The following KANSL1 variants were observed in gnomAD, a reference collection of about 807,000 sequenced individuals.
The protein encoded by KANSL1 is MLL1/MLL complex subunit KANSL1.
Under a neutral mutation model 103.6 loss-of-function variants are expected in KANSL1, and 22 were observed. The observed-to-expected ratio is 0.21, with a 90% CI of 0.15 to 0.30. KANSL1 has a LOEUF of 0.30. KANSL1 is among the 10% of genes least tolerant of loss of function. The probability of loss-of-function intolerance (pLI) is 1.00; values close to 1 mark genes in which losing one functional copy is unlikely to be tolerated. For synonymous variants in KANSL1, 600 were observed against 527.6 expected, an observed-to-expected ratio of 1.14 and a Z score of -1.88; for missense variants, 1,337 against 1,399.8, an observed-to-expected ratio of 0.96 and a Z score of 0.72.
chr17:46,112,191 AC>A (rs1440804020), intron 2 of KANSL1, among the ~76,000 whole-genome samples: 1 of 151,782 alleles, frequency 6.6e-6, no homozygotes, highest in Non-Finnish European at 1.5e-5. Flanking sequence ...ACATGGTGAA[AC>A]CCCATCTCTA....
At chr17:46,111,393 A>G (rs937667678) in intron 2 of KANSL1, among the ~76,000 whole-genome samples, 1 of 152,182 alleles carries the variant, frequency 6.6e-6, no homozygotes, top group Non-Finnish European at 1.5e-5. Context: ...TATTTTTAGT[A>G]GAGATAGGGT....
intron 1 of KANSL1, among the ~76,000 whole-genome samples, chr17:46,200,470 C>G (rs868764723): frequency 6.6e-6 from 1 of 152,172 alleles, no homozygotes; most frequent in African/African-American, 2.4e-5. Context: ...AGGCTGGGTG[C>G]GGTAGCTCAT....
At chr17:46,217,490 G>C (rs1278140164) in intron 1 of KANSL1, among the ~76,000 whole-genome samples, 4 of 151,730 alleles carry the variant, frequency 2.6e-5, no homozygotes, top group South Asian at 2.1e-4. Flanking sequence ...AAAAGAGATA[G>C]GATCTTCAAA....
chr17:46,106,403 T>C (rs1418674784), intron 2 of KANSL1, among the ~76,000 whole-genome samples: 1 of 152,230 alleles, frequency 6.6e-6, no homozygotes, highest in African/African-American at 2.4e-5. Context: ...TTGTTTTGTT[T>C]TGTTTTTGAG....
In KANSL1 at chr17:46,181,420, C is replaced by G. The variant is rs537282733; in HGVS notation, c.-89-9188G>C. ...TATCATCTCACTTTCCTACTCTGAA[C>G]AAGTTCCTCACACTTTTTTTTTTTT... On this transcript the variant is annotated intron_variant, in intron 1 of 14. Transcript: ENST00000432791. 4.0e-5 allele frequency among the ~76,000 whole-genome samples: 6 copies of G among 151,872 alleles called. No individual in the cohort carries two copies. The East Asian group carries it at 1.2e-3, about 29-fold the overall frequency.
chr17:46,040,615 T>C (rs753009388), intron 7 of KANSL1: 3 of 152,270 alleles, frequency 2.0e-5, no homozygotes, highest in Non-Finnish European at 4.4e-5. Flanking sequence ...TATCCAGTGC[T>C]ATATTTAAGA....
chr17:46,050,778 T>G, intron 6 of KANSL1, 74 bp from the exon 7 acceptor site: 2 of 1,398,784 alleles, frequency 1.4e-6, no homozygotes, highest in African/African-American at 2.8e-5. Flanking sequence ...TTATCCCCAT[T>G]TGTTATTGAG....
intron 1 of KANSL1, among the ~76,000 whole-genome samples, chr17:46,216,809 T>C (rs985007470): frequency 2.6e-5 from 4 of 151,932 alleles, no homozygotes; most frequent in East Asian, 3.9e-4. Flanking sequence ...AAAAGAGATA[T>C]GTAGTACTCC....
intron 2 of KANSL1, among the ~76,000 whole-genome samples, chr17:46,148,861 C>G (rs1350621509): frequency 5.4e-5 from 8 of 147,124 alleles, no homozygotes; most frequent in African/African-American, 2.0e-4. Flanking sequence ...GCTGGGATTA[C>G]AAGCATGAAC....
chr17:46,096,897 G>GT (rs1195979434), intron 2 of KANSL1, among the ~76,000 whole-genome samples: 1 of 152,122 alleles, frequency 6.6e-6, no homozygotes, highest in Non-Finnish European at 1.5e-5. Context: ...GATTACAGGC[G>GT]TGAGCCACTG....
At chr17:46,143,438 G>A (rs1383790023) in intron 2 of KANSL1, among the ~76,000 whole-genome samples, 3 of 152,200 alleles carry the variant, frequency 2.0e-5, no homozygotes, top group Admixed American at 1.3e-4. Flanking sequence ...AGGTTGCAGT[G>A]AGCTGAGATC....
intron 2 of KANSL1, among the ~76,000 whole-genome samples, chr17:46,118,695 A>G (rs774591405): frequency 6.6e-6 from 1 of 152,216 alleles, no homozygotes; most frequent in Non-Finnish European, 1.5e-5. Flanking sequence ...TTTGAATTAC[A>G]CAATTACAGG....
At chr17:46,185,917 T>G (rs181166084) in intron 1 of KANSL1, among the ~76,000 whole-genome samples, 132 of 152,218 alleles carry the variant, frequency 8.7e-4, no homozygotes, top group East Asian at 2.5e-3. Flanking sequence ...TTAATCCTAC[T>G]TCTATGCTAG....
chr17:46,118,996 G>A (rs1235423398), intron 2 of KANSL1, among the ~76,000 whole-genome samples: 2 of 152,166 alleles, frequency 1.3e-5, no homozygotes, highest in Non-Finnish European at 2.9e-5. Context: ...AAGATCCCAC[G>A]TAGCTCCAAT....
intron 1 of KANSL1, among the ~76,000 whole-genome samples, chr17:46,189,129 C>G (rs914616009): frequency 6.8e-6 from 1 of 147,536 alleles, no homozygotes; most frequent in Non-Finnish European, 1.5e-5. Flanking sequence ...AGGAAGATCA[C>G]TTGAGCCCCG....
intron 2 of KANSL1, among the ~76,000 whole-genome samples, chr17:46,095,687 A>G (rs1002958457): frequency 5.3e-5 from 8 of 152,242 alleles, no homozygotes; most frequent in African/African-American, 1.9e-4. Flanking sequence ...TAGATAATAC[A>G]CAAAGATTTC....
At chr17:46,181,371 G>GC (rs2046782876) in intron 1 of KANSL1, among the ~76,000 whole-genome samples, 1 of 151,684 alleles carries the variant, frequency 6.6e-6, no homozygotes, top group Non-Finnish European at 1.5e-5. Flanking sequence ...GTGCCTCAGT[G>GC]CCCCAAACTA....
intron 4 of KANSL1, among the ~76,000 whole-genome samples, chr17:46,072,946 T>G (rs8068280): frequency 0.029 from 4,350 of 152,302 alleles, 218 homozygotes; most frequent in African/African-American, 0.099. Context: ...AAATGCATCT[T>G]AAATTCTTAT....
chr17:46,050,780 G>T, intron 6 of KANSL1, 76 bp from the exon 7 acceptor site: 5 of 1,373,410 alleles, frequency 3.6e-6, no homozygotes, highest in Non-Finnish European at 5.0e-6. Context: ...ATCCCCATTT[G>T]TTATTGAGAA....
Sources: gnomAD v4.1 joint callset for allele counts (sites outside exome capture counted in the v4.1 genomes callset) on GRCh38, gnomAD v4.1.1 for gene constraint, MANE v1.5 for transcripts, NCBI Gene and HGNC (gene_info 2026-07-23, HGNC 2026-07-21) for gene names.